PRKCB: variants seen among roughly 807,000 people sequenced by gnomAD.
PRKCB encodes the protein protein kinase C beta type.
Under a neutral mutation model 81.5 loss-of-function variants are expected in PRKCB, and 13 were observed. That is an observed-to-expected ratio of 0.16 (90% CI 0.10 to 0.25). The LOEUF is 0.25. Among genes scored for constraint, PRKCB ranks in the 10% least tolerant of loss-of-function variants. PRKCB has a pLI of 1.00. For missense variants in PRKCB, 509 were observed against 875.7 expected (o/e 0.58, Z 5.29); for synonymous variants, 335 against 321.4 (o/e 1.04, Z -0.45).
intron 2 of PRKCB, among the ~76,000 whole-genome samples, chr16:23,957,056 G>A (rs1964359394): frequency 6.7e-6 from 1 of 149,370 alleles, no homozygotes; most frequent in South Asian, 2.1e-4. Context: ...TTGAGTGAGG[G>A]AAATCCAGAA....
intron 2 of PRKCB, among the ~76,000 whole-genome samples, chr16:23,911,312 G>T (rs1963650124): frequency 1.3e-5 from 2 of 151,228 alleles, no homozygotes; most frequent in African/African-American, 4.9e-5. Flanking sequence ...ATTTTTTGTA[G>T]ACACAGGGTC....
At chr16:24,017,847 A>C (rs1191912972) in intron 3 of PRKCB, among the ~76,000 whole-genome samples, 1 of 150,312 alleles carries the variant, frequency 6.7e-6, no homozygotes, top group Non-Finnish European at 1.5e-5. Context: ...CTCCCACTTC[A>C]TCCCCACAAG....
intron 3 of PRKCB, among the ~76,000 whole-genome samples, chr16:23,995,241 C>T (rs537362911): frequency 6.6e-6 from 1 of 152,226 alleles, no homozygotes; most frequent in East Asian, 1.9e-4. Context: ...TTATGCTGGC[C>T]TACTTACCAA....
At position 24,021,346 on chromosome 16, in the gene PRKCB, C is replaced by T. The variant is rs552332560; in HGVS notation, c.289-10790C>T. On this transcript the variant is annotated intron_variant, in intron 3 of 16. Coordinates refer to ENST00000643927, the MANE Select transcript of PRKCB (RefSeq NM_002738.7). ...TCCTTCCTTCCTTCCTTCCTTCCTTCCTTCCTTCCTCCTTCCCTCCCTCCC... is the reference window on the plus strand; with the variant it reads ...TCCTTCCTTCCTTCCTTCCTTCCTTTCTTCCTTCCTCCTTCCCTCCCTCCC... Among the ~76,000 whole-genome samples, 205 of 77,858 alleles carry T rather than the reference C, an allele frequency of 2.6e-3. 16 individuals carry two copies. Among genetic ancestry groups the T allele is most frequent in the Non-Finnish European group, 3.7e-3 (152 of 41,502 alleles). The allele number at this position is 77,858 out of a possible 152,430, so 51.1% of individuals were successfully genotyped here.
chr16:23,885,645 G>A (rs73537101), intron 2 of PRKCB, among the ~76,000 whole-genome samples: 6,360 of 152,100 alleles, frequency 0.042, 176 homozygotes, highest in South Asian at 0.087. Flanking sequence ...CCCTTTTCTG[G>A]CATTCTCTTC....
At chr16:23,924,113 T>C (rs1376842185) in intron 2 of PRKCB, among the ~76,000 whole-genome samples, 1 of 151,986 alleles carries the variant, frequency 6.6e-6, no homozygotes. Flanking sequence ...GAATGGATCA[T>C]AGGGGCAGTT....
At chr16:24,197,746 TCCTCAGGTC>T (rs1967900562) in intron 16 of PRKCB, among the ~76,000 whole-genome samples, 1 of 152,116 alleles carries the variant, frequency 6.6e-6, no homozygotes, top group African/African-American at 2.4e-5. Flanking sequence ...CAAGTTGGCA[TCCTCAGGTC>T]CTCCCCAGTT....
At chr16:23,952,496 A>G (rs1964296931) in intron 2 of PRKCB, among the ~76,000 whole-genome samples, 1 of 152,102 alleles carries the variant, frequency 6.6e-6, no homozygotes, top group Admixed American at 6.5e-5. Context: ...GGGGGTGTTT[A>G]GAATCGTTGC....
intron 2 of PRKCB, among the ~76,000 whole-genome samples, chr16:23,871,666 C>T (rs1045375019): frequency 8.5e-5 from 13 of 152,220 alleles, no homozygotes; most frequent in Admixed American, 2.6e-4. Context: ...CAACCTGTGC[C>T]TCCTGGGTTC....
At chr16:23,877,483 A>G (rs1963034114) in intron 2 of PRKCB, among the ~76,000 whole-genome samples, 1 of 151,862 alleles carries the variant, frequency 6.6e-6, no homozygotes, top group South Asian at 2.1e-4. Context: ...CCCATATAAG[A>G]CTCCCCAAGA....
chr16:24,021,021 TTTCTTTCTTTC>T (rs1965363163), intron 3 of PRKCB, among the ~76,000 whole-genome samples: 1 of 130,172 alleles, frequency 7.7e-6, no homozygotes, highest in Non-Finnish European at 1.7e-5. Flanking sequence ...TCTTTCTTTC[TTTCTTTCTTTC>T]TTTCTTTCTC....
chr16:24,019,589 C>T (rs1567346003), intron 3 of PRKCB, among the ~76,000 whole-genome samples: 1 of 152,004 alleles, frequency 6.6e-6, no homozygotes, highest in Admixed American at 6.6e-5. Flanking sequence ...TATGGCGAAA[C>T]CCTGTCTCTG....
chr16:24,139,495 C>A (rs983659240), intron 9 of PRKCB, among the ~76,000 whole-genome samples: 1 of 152,180 alleles, frequency 6.6e-6, no homozygotes, highest in Non-Finnish European at 1.5e-5. Context: ...GTCATCCCTT[C>A]TAGGGGTGTA....
rs751743022 is a variant in PRKCB, at chr16:24,094,288, T to C, written c.812T>C (p.Val271Ala). ...ATTTCTGAACTTCAGAAAGCCAGTG[T>C]TGATGGCTGGTAAGTAAGATTTTGC... ...FGISELQKASVDGWFKLLSQE... is the reference protein window; with the variant it reads ...FGISELQKASADGWFKLLSQE... Residue 271 changes from valine (V) to alanine (A), a missense_variant, in exon 7 of 17, where the codon GTT becomes GCT. By Grantham distance (64) the Val-to-Ala change is moderately conservative (BLOSUM62 0). Coordinates refer to ENST00000643927, the MANE Select transcript of PRKCB (RefSeq NM_002738.7). 10 of 1,614,138 alleles carry C rather than the reference T, an allele frequency of 6.2e-6. No homozygotes were observed. The highest frequency in any genetic ancestry group is 7.6e-6 in the Non-Finnish European group (9 of 1,180,002).
Position 23,837,358 on chromosome 16 carries a change from T to A in PRKCB, c.174-17T>A. On this transcript the variant is annotated splice_polypyrimidine_tract_variant and intron_variant, in intron 1 of 16. Coordinates refer to ENST00000643927, the MANE Select transcript of PRKCB (RefSeq NM_002738.7). Reference sequence around the variant, plus strand: ...CCCCCCGGGCTGCCTGACATACACCTCCTTCTGCTTTTGCAGGGGCTTCGG... The same window carrying A: ...CCCCCCGGGCTGCCTGACATACACCACCTTCTGCTTTTGCAGGGGCTTCGG... 1 of 1,613,530 alleles carries A rather than the reference T, an allele frequency of 6.2e-7. No homozygotes were observed.
intron 3 of PRKCB, among the ~76,000 whole-genome samples, chr16:24,027,359 G>A (rs537072919): frequency 4.1e-4 from 63 of 152,310 alleles, no homozygotes; most frequent in African/African-American, 1.4e-3. Flanking sequence ...AGAGCAGGGG[G>A]ACTCTGATAG....
intron 2 of PRKCB, among the ~76,000 whole-genome samples, chr16:23,882,748 ATCTTTTTT>A (rs1268992896): frequency 8.4e-6 from 1 of 118,390 alleles, no homozygotes; most frequent in Non-Finnish European, 1.6e-5. Context: ...GTATACAAAT[ATCTTTTTT>A]TTTTTTTTTT....
At chr16:23,935,325 C>T (rs1454594393) in intron 2 of PRKCB, among the ~76,000 whole-genome samples, 2 of 152,184 alleles carry the variant, frequency 1.3e-5, no homozygotes, top group Non-Finnish European at 2.9e-5. Flanking sequence ...ATAATCTGTA[C>T]TTTCTATAAA....
chr16:24,006,374 A>G (rs1263051741), intron 3 of PRKCB, among the ~76,000 whole-genome samples: 1 of 152,228 alleles, frequency 6.6e-6, no homozygotes, highest in Non-Finnish European at 1.5e-5. Context: ...GTGCAGGCTA[A>G]CGAAGAACAG....
Sources: gnomAD v4.1 joint callset for allele counts (sites outside exome capture counted in the v4.1 genomes callset) on GRCh38, gnomAD v4.1.1 for gene constraint, MANE v1.5 for transcripts, NCBI Gene and HGNC (gene_info 2026-07-23, HGNC 2026-07-21) for gene names.